Variants in SEL1L observed in about 807,000 individuals in gnomAD.
SEL1L encodes SEL1L adaptor subunit of SYVN1 ubiquitin ligase.
In SEL1L, 52 loss-of-function variants were observed where a neutral mutation model predicts 109.8. The ratio of observed to expected loss-of-function variants is 0.47; its 90% CI spans 0.38 to 0.60. SEL1L has a LOEUF of 0.60. Among genes scored for constraint, SEL1L ranks in the 20% least tolerant of loss-of-function variants. SEL1L has a pLI of 0.00. For missense variants in SEL1L, 749 were observed against 962.2 expected, an observed-to-expected ratio of 0.78 and a Z score of 2.93; for synonymous variants, 373 against 339.6, an observed-to-expected ratio of 1.10 and a Z score of -1.08.
intron 6 of SEL1L, 142 bp from the exon 7 acceptor site, chr14:81,499,804 C>T (rs547421116): frequency 3.3e-4 from 168 of 510,206 alleles, no homozygotes; most frequent in Non-Finnish European, 5.2e-4. Flanking sequence ...TATGTACAAA[C>T]ATGGATTAAA....
At chr14:81,490,915 A>C (rs1883516507) in intron 12 of SEL1L, among the ~76,000 whole-genome samples, 1 of 152,164 alleles carries the variant, frequency 6.6e-6, no homozygotes, top group South Asian at 2.1e-4. Context: ...CAAAACAAAC[A>C]AACAAAAAAA....
chr14:81,486,417 T>A lies in SEL1L; in HGVS notation c.1670A>T (p.Glu557Val). 2 of 1,614,158 alleles carry A rather than the reference T, an allele frequency of 1.2e-6. No homozygotes were observed. The highest frequency in any genetic ancestry group is 1.7e-6 in the Non-Finnish European group (2 of 1,180,006). ...KNVCERGRWS[E>V]RLMTAYNSYK... ...GCTGTTATAGGCAGTCATAAGCCTTTCAGACCAACGGCCTCGTTCACATAC... is the reference window on the plus strand; with the variant it reads ...GCTGTTATAGGCAGTCATAAGCCTTACAGACCAACGGCCTCGTTCACATAC... The change falls in exon 17 of 21, where the codon GAA (glutamate) becomes GTA (valine). Residue 557 changes from glutamate to valine, a missense_variant. Physicochemically the swap from Glu to Val is moderately radical, Grantham distance 121 (BLOSUM62 -2). Around this residue, in one of 2 missense-constraint regions of SEL1L, gnomAD observed 383 missense variants for 562.5 expected, o/e 0.68. Coordinates refer to ENST00000336735, the MANE Select transcript of SEL1L (RefSeq NM_005065.6).
At chr14:81,489,225 A>G (rs772551352) in intron 14 of SEL1L, 27 bp downstream of exon 14, 3 of 1,601,048 alleles carry the variant, frequency 1.9e-6, no homozygotes, top group Non-Finnish European at 2.6e-6. Context: ...TGCTCATTAA[A>G]GAGAGAATGT....
At position 81,533,809 on chromosome 14, in the gene SEL1L, G is replaced by C; in HGVS notation, c.-65C>G. 2 of 1,476,392 alleles carry C rather than the reference G, an allele frequency of 1.4e-6. No homozygotes were observed. Among genetic ancestry groups the C allele is most frequent in the Non-Finnish European group, 9.3e-7 (1 of 1,070,534 alleles). The allele number at this position is 1,476,392 out of a possible 1,614,324, so 91.5% of individuals were successfully genotyped here. A position where few individuals can be genotyped will look rare whatever the true frequency, so the allele number is the denominator to read the frequency against. ...CTTCGCCTCTGCCACCACGGACTCA[G>C]CCACCACCGCCGCCTCGCCGCTGCT... On this transcript the variant is annotated 5_prime_UTR_variant, in exon 1 of 21. Coordinates refer to ENST00000336735, the MANE Select transcript of SEL1L (RefSeq NM_005065.6).
At chr14:81,529,018 C>T (rs1885224511) in intron 1 of SEL1L, among the ~76,000 whole-genome samples, 1 of 152,112 alleles carries the variant, frequency 6.6e-6, no homozygotes, top group Admixed American at 6.6e-5. Flanking sequence ...AAAGTGCTGT[C>T]AAGTCAAAGA....
intron 16 of SEL1L, 81 bp from the exon 17 acceptor site, chr14:81,486,535 C>CGTAA: frequency 7.3e-7 from 1 of 1,378,710 alleles, no homozygotes; most frequent in Non-Finnish European, 1.0e-6. Flanking sequence ...ACTTTGGTTA[C>CGTAA]ACATGACTAT....
chr14:81,492,753 A>C (rs1403636371), intron 11 of SEL1L, among the ~76,000 whole-genome samples: 1 of 152,238 alleles, frequency 6.6e-6, no homozygotes, highest in Non-Finnish European at 1.5e-5. Flanking sequence ...ACCATTTATC[A>C]TTAAGTCATC....
chr14:81,485,551 G>T, intron 18 of SEL1L, 121 bp downstream of exon 18: 2 of 812,106 alleles, frequency 2.5e-6, no homozygotes, highest in Non-Finnish European at 3.9e-6. Flanking sequence ...CTTGGCTTCC[G>T]AAAGTGCTAG....
At position 81,487,473 on chromosome 14, in the gene SEL1L, C is replaced by T; in HGVS notation, c.1549G>A (p.Gly517Ser). 6.2e-7 allele frequency: 1 copy of T among 1,609,594 alleles called. No homozygotes were observed. Among genetic ancestry groups the T allele is most frequent in the Non-Finnish European group, 8.5e-7 (1 of 1,179,088 alleles). ...AGGTTATAGAAAGCCAAGATATGGCCTCCCTGAGAAGCTAAATTAAAATAC... is the reference window on the plus strand; with the variant it reads ...AGGTTATAGAAAGCCAAGATATGGCTTCCCTGAGAAGCTAAATTAAAATAC... ...LKYFNLASQG[G>S]HILAFYNLAQ... Residue 517 changes from glycine to serine, a missense_variant, in exon 16 of 21, where the codon GGC (glycine) becomes AGC (serine). This residue lies in a region of SEL1L where 383 missense variants were observed against 562.5 expected (regional missense o/e 0.68). Transcript: ENST00000336735.
chr14:81,513,523 C>T (rs529438168), intron 3 of SEL1L, among the ~76,000 whole-genome samples: 1 of 152,138 alleles, frequency 6.6e-6, no homozygotes, highest in South Asian at 2.1e-4. Flanking sequence ...TTGAAGTCAG[C>T]GAGACCAAGA....
Position 81,498,391 on chromosome 14 carries a change from G to A in SEL1L, c.973+22C>T, listed in dbSNP as rs1883863263. 12 of 1,576,400 alleles carry A rather than the reference G, an allele frequency of 7.6e-6. No individual in the cohort carries two copies. The East Asian group carries it at 2.7e-4, about 35-fold the overall frequency. On this transcript the variant is annotated intron_variant, in intron 9 of 20. Transcript: ENST00000336735. ...TCCATTTATTTTTTTTTCCTAAAAG[G>A]TAAAAGGGGAAACATAGATACCATG...
At chr14:81,526,059 T>C (rs541420034) in intron 3 of SEL1L, among the ~76,000 whole-genome samples, 2 of 152,262 alleles carry the variant, frequency 1.3e-5, no homozygotes, top group African/African-American at 4.8e-5. Flanking sequence ...GATCAGTTCC[T>C]GAGAGTGGTT....
intron 3 of SEL1L, among the ~76,000 whole-genome samples, chr14:81,521,222 C>G (rs1884894655): frequency 6.6e-6 from 1 of 152,098 alleles, no homozygotes; most frequent in African/African-American, 2.4e-5. Context: ...GAAAATTTAG[C>G]AATGCAGATC....
At chr14:81,504,411 TTTCACTA>T (rs1446464579) in intron 4 of SEL1L, 105 bp from the exon 5 acceptor site, 15 of 701,222 alleles carry the variant, frequency 2.1e-5, no homozygotes, top group Middle Eastern at 3.5e-4. Flanking sequence ...ATGAATGATC[TTTCACTA>T]TTCCCAAACA....
chr14:81,532,717 T>G (rs1885377529), intron 1 of SEL1L, among the ~76,000 whole-genome samples: 1 of 151,832 alleles, frequency 6.6e-6, no homozygotes, highest in East Asian at 1.9e-4. Context: ...AATTTTCTGT[T>G]AAAAAAAAGC....
At chr14:81,511,107 C>G (rs1485022578) in intron 3 of SEL1L, among the ~76,000 whole-genome samples, 1 of 152,142 alleles carries the variant, frequency 6.6e-6, no homozygotes, top group Admixed American at 6.5e-5. Flanking sequence ...ACTGCTTTCA[C>G]CAAAAGTTGA....
intron 6 of SEL1L, among the ~76,000 whole-genome samples, chr14:81,500,891 C>G (rs1045568371): frequency 2.6e-5 from 4 of 152,082 alleles, no homozygotes; most frequent in Non-Finnish European, 5.9e-5. Context: ...GAAGTTCAAC[C>G]TTTTCAACCC....
chr14:81,515,529 G>A (rs2140042383), intron 3 of SEL1L, among the ~76,000 whole-genome samples: 1 of 152,308 alleles, frequency 6.6e-6, no homozygotes, highest in East Asian at 1.9e-4. Flanking sequence ...TCCCCACTGG[G>A]ATCTAGACTC....
intron 6 of SEL1L, among the ~76,000 whole-genome samples, chr14:81,500,998 G>A (rs1883984111): frequency 6.6e-6 from 1 of 152,202 alleles, no homozygotes; most frequent in Non-Finnish European, 1.5e-5. Context: ...GAAATCATGA[G>A]CTCCTCTACG....
Sources: gnomAD v4.1 joint callset for allele counts (sites outside exome capture counted in the v4.1 genomes callset) on GRCh38, gnomAD v4.1.1 for gene constraint, gnomAD v4.1.1 regional missense constraint, MANE v1.5 for transcripts, NCBI Gene and HGNC (gene_info 2026-07-23, HGNC 2026-07-21) for gene names.